Variants in EVL observed in about 807,000 individuals in gnomAD.
The protein encoded by EVL is Enah/Vasp-like, also known as ena/VASP-like protein.
Under a neutral mutation model 59.6 loss-of-function variants are expected in EVL, and 21 were observed. The ratio of observed to expected loss-of-function variants is 0.35; its 90% confidence interval spans 0.25 to 0.51. The LOEUF is 0.51. Ranked by LOEUF, EVL falls within the 20% of genes least tolerant of loss-of-function variation. The probability of loss-of-function intolerance (pLI) is 0.97; values close to 1 mark genes in which losing one functional copy is unlikely to be tolerated. For synonymous variants in EVL, 198 were observed against 203.5 expected (o/e 0.97, Z 0.23); for missense variants, 462 against 546.6 (o/e 0.85, Z 1.54).
intron 13 of EVL, among the ~76,000 whole-genome samples, chr14:100,142,783 G>T (rs966887023): frequency 6.6e-6 from 1 of 152,220 alleles, no homozygotes; most frequent in Non-Finnish European, 1.5e-5. Context: ...CAGCCTGGGC[G>T]ATAGGCAGGC....
intron 1 of EVL, among the ~76,000 whole-genome samples, chr14:100,083,218 A>G (rs903366851): frequency 1.3e-5 from 2 of 152,140 alleles, no homozygotes; most frequent in Non-Finnish European, 2.9e-5. Flanking sequence ...TCCAGAACAC[A>G]CACCTACTTG....
At chr14:100,007,275 G>A (rs2060988497) in intron 1 of EVL, among the ~76,000 whole-genome samples, 1 of 152,050 alleles carries the variant, frequency 6.6e-6, no homozygotes, top group South Asian at 2.1e-4. Flanking sequence ...CCAGGTCACA[G>A]GTAGGTGAGA....
At chr14:100,136,660 G>A (rs1888811924) in intron 9 of EVL, among the ~76,000 whole-genome samples, 1 of 152,152 alleles carries the variant, frequency 6.6e-6, no homozygotes, top group African/African-American at 2.4e-5. Context: ...GTGTGTCTCT[G>A]GGGCATGCTC....
intron 2 of EVL, among the ~76,000 whole-genome samples, chr14:100,096,499 C>T (rs1165290585): frequency 6.6e-6 from 1 of 152,174 alleles, no homozygotes; most frequent in African/African-American, 2.4e-5. Context: ...CCTCACAACA[C>T]ACTGTGAGGG....
chr14:99,993,175 A>T (rs760540066), intron 1 of EVL, among the ~76,000 whole-genome samples: 29 of 149,760 alleles, frequency 1.9e-4, no homozygotes, highest in Non-Finnish European at 3.1e-4. Flanking sequence ...CTCCTGCCTC[A>T]GCCTCCTGAG....
intron 11 of EVL, chr14:100,138,266 T>C: frequency 5.6e-6 from 1 of 178,056 alleles, no homozygotes. Context: ...GCACTGGCGC[T>C]GAGCCCTACC....
intron 1 of EVL, among the ~76,000 whole-genome samples, chr14:100,039,819 T>C (rs1322545312): frequency 6.6e-6 from 1 of 152,074 alleles, no homozygotes; most frequent in African/African-American, 2.4e-5. Flanking sequence ...AGGGTCTCGC[T>C]CTGTTACCGA....
At chr14:100,123,851 T>TC (rs1224008480) in intron 4 of EVL, among the ~76,000 whole-genome samples, 7 of 152,168 alleles carry the variant, frequency 4.6e-5, no homozygotes, top group Admixed American at 6.5e-5. Context: ...GCTGCTGACC[T>TC]CCAGCGGGAC....
chr14:100,076,044 A>G (rs946028791), intron 1 of EVL, among the ~76,000 whole-genome samples: 13 of 152,248 alleles, frequency 8.5e-5, no homozygotes, highest in East Asian at 1.9e-4. Flanking sequence ...TTTGAAAGCA[A>G]TGACAATGTG....
At chr14:100,011,911 C>G (rs1233432104) in intron 1 of EVL, among the ~76,000 whole-genome samples, 1 of 152,134 alleles carries the variant, frequency 6.6e-6, no homozygotes, top group Non-Finnish European at 1.5e-5. Flanking sequence ...GATTGGCACA[C>G]CTGTTATTAT....
chr14:100,036,947 A>G (rs770435249), intron 1 of EVL, among the ~76,000 whole-genome samples: 48 of 152,214 alleles, frequency 3.2e-4, no homozygotes, highest in Non-Finnish European at 6.5e-4. Flanking sequence ...GAGGAGGTGA[A>G]GACATGAGGG....
intron 6 of EVL, 120 bp downstream of exon 6, chr14:100,128,868 T>A: frequency 1.2e-6 from 1 of 835,234 alleles, no homozygotes; most frequent in East Asian, 2.5e-5. Flanking sequence ...TGCCCAAAGC[T>A]AGCTGGCCCT....
chr14:100,041,242 T>C (rs1296197533), intron 1 of EVL, among the ~76,000 whole-genome samples: 1 of 152,188 alleles, frequency 6.6e-6, no homozygotes, highest in Admixed American at 6.5e-5. Context: ...TATTGAACTT[T>C]TTTTCCCAGA....
intron 1 of EVL, among the ~76,000 whole-genome samples, chr14:100,057,670 A>G (rs1037942888): frequency 1.3e-5 from 2 of 152,154 alleles, no homozygotes; most frequent in African/African-American, 4.8e-5. Context: ...TGGCTGGCTG[A>G]GCTATTTTAG....
intron 1 of EVL, among the ~76,000 whole-genome samples, chr14:100,079,827 A>G (rs1042255584): frequency 1.3e-5 from 2 of 152,132 alleles, no homozygotes; most frequent in African/African-American, 4.8e-5. Context: ...ACTTTTCCAG[A>G]AGGATTAGAG....
intron 1 of EVL, among the ~76,000 whole-genome samples, chr14:100,024,802 A>G (rs979679723): frequency 1.3e-5 from 2 of 152,064 alleles, no homozygotes; most frequent in Admixed American, 1.3e-4. Context: ...CATCTCAAAC[A>G]TGTCTAACAC....
intron 1 of EVL, among the ~76,000 whole-genome samples, chr14:99,991,732 G>C (rs929461180): frequency 7.2e-5 from 11 of 152,166 alleles, no homozygotes; most frequent in African/African-American, 2.7e-4. Flanking sequence ...CAGCAAGTAT[G>C]CTTGGGGCAA....
chr14:100,016,355 C>G (rs1296772058), intron 1 of EVL, among the ~76,000 whole-genome samples: 2 of 152,132 alleles, frequency 1.3e-5, no homozygotes, highest in Non-Finnish European at 2.9e-5. Flanking sequence ...ATGGTGAAAC[C>G]CCGTCTCTAC....
intron 3 of EVL, among the ~76,000 whole-genome samples, chr14:100,099,475 A>C (rs945564569): frequency 1.3e-5 from 2 of 152,232 alleles, no homozygotes; most frequent in Admixed American, 6.5e-5. Context: ...GGTCGTGCGT[A>C]GAGCAGGTAC....
Sources: gnomAD v4.1 joint callset for allele counts (sites outside exome capture counted in the v4.1 genomes callset) on GRCh38, gnomAD v4.1.1 for gene constraint, MANE v1.5 for transcripts, NCBI Gene and HGNC (gene_info 2026-07-23, HGNC 2026-07-21) for gene names.